Variants in MAGI2 observed in about 807,000 individuals in gnomAD.
MAGI2 encodes membrane-associated guanylate kinase, WW and PDZ domain-containing protein 2.
In MAGI2, 35 loss-of-function variants were observed where a neutral mutation model predicts 133.3. That is an observed-to-expected ratio of 0.26 (90% CI 0.20 to 0.35). The LOEUF (loss-of-function observed/expected upper bound fraction) is 0.35, where lower values mean the gene tolerates loss of function less well. Among genes scored for constraint, MAGI2 ranks in the 10% least tolerant of loss-of-function variants. The probability of loss-of-function intolerance (pLI) is 1.00; values close to 1 mark genes in which losing one functional copy is unlikely to be tolerated. For synonymous variants in MAGI2, 729 were observed against 710.6 expected (o/e 1.03, Z -0.41); for missense variants, 1,636 against 1,863.4 (o/e 0.88, Z 2.25).
At chr7:79,315,904 A>T (rs1228804715) in intron 1 of MAGI2, among the ~76,000 whole-genome samples, 2 of 152,128 alleles carry the variant, frequency 1.3e-5, no homozygotes, top group Non-Finnish European at 2.9e-5. Flanking sequence ...GAGGAGTGGG[A>T]AAGGAGCTAA....
chr7:78,885,538 C>T (rs768668317), intron 2 of MAGI2, among the ~76,000 whole-genome samples: 1 of 151,852 alleles, frequency 6.6e-6, no homozygotes, highest in African/African-American at 2.4e-5. Flanking sequence ...ATCAAAGGAA[C>T]TTTACAAAGA....
chr7:78,599,249 G>A (rs2150872195), intron 3 of MAGI2, among the ~76,000 whole-genome samples: 1 of 152,052 alleles, frequency 6.6e-6, no homozygotes, highest in Non-Finnish European at 1.5e-5. Flanking sequence ...TTCCATTTTT[G>A]TATACTTAAA....
intron 16 of MAGI2, among the ~76,000 whole-genome samples, chr7:78,143,077 A>C (rs745773232): frequency 1.3e-5 from 2 of 152,212 alleles, no homozygotes; most frequent in Non-Finnish European, 2.9e-5. Flanking sequence ...TCCATTGCCC[A>C]ATAAAACCAG....
At chr7:78,991,605 TA>T (rs1296872616) in intron 2 of MAGI2, among the ~76,000 whole-genome samples, 1 of 150,910 alleles carries the variant, frequency 6.6e-6, no homozygotes, top group Non-Finnish European at 1.5e-5. Flanking sequence ...TTTTTTTTTT[TA>T]AATAATGAGG....
At chr7:78,324,751 A>G (rs995927377) in intron 9 of MAGI2, among the ~76,000 whole-genome samples, 7 of 152,152 alleles carry the variant, frequency 4.6e-5, no homozygotes, top group African/African-American at 9.7e-5. Context: ...ACCTGAGGTC[A>G]GGAGTTCGAG....
chr7:79,387,313 A>G (rs1421306927), intron 1 of MAGI2, among the ~76,000 whole-genome samples: 1 of 151,952 alleles, frequency 6.6e-6, no homozygotes, highest in African/African-American at 2.4e-5. Flanking sequence ...TGTGTAGACC[A>G]TAGTCACTTC....
At chr7:79,015,739 C>A (rs916247272) in intron 1 of MAGI2, among the ~76,000 whole-genome samples, 2 of 152,020 alleles carry the variant, frequency 1.3e-5, no homozygotes, top group African/African-American at 4.8e-5. Flanking sequence ...GTCCTCGGCC[C>A]ACCTATAAGT....
intron 16 of MAGI2, among the ~76,000 whole-genome samples, chr7:78,157,071 C>G (rs1824469078): frequency 6.6e-6 from 1 of 152,180 alleles, no homozygotes; most frequent in Non-Finnish European, 1.5e-5. Flanking sequence ...CTTCGCATTT[C>G]TCTTCAAAAT....
intron 1 of MAGI2, among the ~76,000 whole-genome samples, chr7:79,280,009 T>C (rs901379158): frequency 1.3e-5 from 2 of 152,126 alleles, no homozygotes; most frequent in Admixed American, 6.6e-5. Context: ...TAGGAGGAGG[T>C]CTTTTTTATT....
At chr7:79,131,559 G>A (rs932751830) in intron 1 of MAGI2, among the ~76,000 whole-genome samples, 2 of 152,176 alleles carry the variant, frequency 1.3e-5, no homozygotes, top group Non-Finnish European at 2.9e-5. Context: ...TTTTACAGAT[G>A]AGGAAACTGA....
chr7:79,125,415 T>C (rs1820320512), intron 1 of MAGI2: 1 of 492,874 alleles, frequency 2.0e-6, no homozygotes, highest in Admixed American at 2.2e-5. Context: ...ATGGTGTCTT[T>C]GATGGGGATA....
intron 2 of MAGI2, among the ~76,000 whole-genome samples, chr7:78,804,216 TG>T (rs66533272): frequency 0.33 from 49,688 of 151,868 alleles, 8,502 homozygotes; most frequent in East Asian, 0.52. Context: ...GGCTTCTGAT[TG>T]GAAAAAAGGC....
At chr7:78,984,855 T>C (rs1702351460) in intron 2 of MAGI2, among the ~76,000 whole-genome samples, 1 of 152,094 alleles carries the variant, frequency 6.6e-6, no homozygotes, top group Admixed American at 6.6e-5. Context: ...AGAAATTTCA[T>C]ATGCTTTGTT....
chr7:78,274,184 C>A (rs982151904), intron 9 of MAGI2, among the ~76,000 whole-genome samples: 2 of 152,180 alleles, frequency 1.3e-5, no homozygotes, highest in Non-Finnish European at 2.9e-5. Context: ...TTCCTTCTAA[C>A]AGTCAGGATC....
intron 10 of MAGI2, among the ~76,000 whole-genome samples, chr7:78,219,661 C>T (rs1314321952): frequency 1.3e-5 from 2 of 152,194 alleles, no homozygotes; most frequent in Non-Finnish European, 2.9e-5. Flanking sequence ...TAATCTCTTC[C>T]CCCACAACTT....
chr7:79,184,398 C>T (rs1826884560), intron 1 of MAGI2, among the ~76,000 whole-genome samples: 1 of 150,140 alleles, frequency 6.7e-6, no homozygotes, highest in Admixed American at 6.7e-5. Flanking sequence ...ACCTGTTTCC[C>T]AAAAACGTAT....
intron 3 of MAGI2, among the ~76,000 whole-genome samples, chr7:78,537,762 T>C (rs369136310): frequency 5.9e-5 from 9 of 152,188 alleles, no homozygotes; most frequent in African/African-American, 2.2e-4. Context: ...GTCAGATGTA[T>C]AGTTTGCAAG....
At chr7:78,990,039 C>T (rs1186131188) in intron 2 of MAGI2, among the ~76,000 whole-genome samples, 1 of 152,066 alleles carries the variant, frequency 6.6e-6, no homozygotes. Flanking sequence ...ATGTTTGTTT[C>T]CTTACCATCC....
At chr7:78,215,271 C>T (rs1245929280) in intron 10 of MAGI2, among the ~76,000 whole-genome samples, 1 of 152,046 alleles carries the variant, frequency 6.6e-6, no homozygotes, top group Non-Finnish European at 1.5e-5. Flanking sequence ...AAGGATTGTT[C>T]TCCTATGGTG....
Sources: gnomAD v4.1 joint callset for allele counts (sites outside exome capture counted in the v4.1 genomes callset) on GRCh38, gnomAD v4.1.1 for gene constraint, MANE v1.5 for transcripts, NCBI Gene and HGNC (gene_info 2026-07-23, HGNC 2026-07-21) for gene names.